The following SLC2A12 variants were observed in gnomAD, a reference collection of about 807,000 sequenced individuals.
SLC2A12 encodes the protein solute carrier family 2 member 12, also known as solute carrier family 2, facilitated glucose transporter member 12.
Under a neutral mutation model 41.8 loss-of-function variants are expected in SLC2A12, and 23 were observed. That is an observed-to-expected ratio of 0.55 (90% CI 0.40 to 0.78). The LOEUF (loss-of-function observed/expected upper bound fraction) is 0.78. SLC2A12 is among the 30% of genes least tolerant of loss of function. The pLI is 0.00. For synonymous variants in SLC2A12, 295 were observed against 285.9 expected, an observed-to-expected ratio of 1.03 and a Z score of -0.32; for missense variants, 654 against 745.6, an observed-to-expected ratio of 0.88 and a Z score of 1.43.
chr6:134,004,030 G>A (rs553513378), intron 3 of SLC2A12, among the ~76,000 whole-genome samples: 1 of 152,298 alleles, frequency 6.6e-6, no homozygotes, highest in African/African-American at 2.4e-5. Context: ...GAGCATTCTA[G>A]GCTTTTTGTT....
At chr6:134,050,247 TA>T (rs1336127707) in intron 1 of SLC2A12, among the ~76,000 whole-genome samples, 2 of 152,178 alleles carry the variant, frequency 1.3e-5, no homozygotes, top group Non-Finnish European at 2.9e-5. Context: ...ATGTTTAAGA[TA>T]AGTTAAGAAA....
At chr6:134,017,338 C>T (rs1776975238) in intron 2 of SLC2A12, among the ~76,000 whole-genome samples, 1 of 152,134 alleles carries the variant, frequency 6.6e-6, no homozygotes, top group African/African-American at 2.4e-5. Context: ...AGAGTCATAC[C>T]AGAGGACATC....
chr6:134,025,470 A>G (rs1777101050), intron 2 of SLC2A12, among the ~76,000 whole-genome samples: 1 of 152,230 alleles, frequency 6.6e-6, no homozygotes, highest in Admixed American at 6.5e-5. Context: ...ATATTAGTGG[A>G]ATCTAAAGCT....
chr6:133,997,974 C>T lies in SLC2A12; in HGVS notation c.1700+4023G>A, dbSNP rs185539353. ...CTTTATTTTTGTTCTTCATTACAAA[C>T]CTTGCAGTTCTCCTATAGTCTGTTT... On this transcript the variant is annotated intron_variant, in intron 4 of 4. Coordinates refer to ENST00000275230, the MANE Select transcript of SLC2A12 (RefSeq NM_145176.3). Among the ~76,000 whole-genome samples the T allele has an allele frequency of 1.1e-3, 169 of 152,268 alleles. 1 individual carries two copies. Among genetic ancestry groups the T allele is most frequent in the African/African-American group, 3.8e-3 (159 of 41,556 alleles).
At chr6:134,036,045 T>G (rs1244877964) in intron 1 of SLC2A12, among the ~76,000 whole-genome samples, 1 of 152,160 alleles carries the variant, frequency 6.6e-6, no homozygotes, top group Non-Finnish European at 1.5e-5. Flanking sequence ...TCTGCCTGCT[T>G]TCTTCTTCTC....
chr6:134,029,848 T>C (rs1481379506), intron 1 of SLC2A12, 127 bp from the exon 2 acceptor site: 2 of 1,199,128 alleles, frequency 1.7e-6, no homozygotes, highest in Non-Finnish European at 2.3e-6. Flanking sequence ...CACACAATTA[T>C]GATAAAATAA....
At chr6:134,021,949 A>G (rs1582611258) in intron 2 of SLC2A12, among the ~76,000 whole-genome samples, 1 of 152,220 alleles carries the variant, frequency 6.6e-6, no homozygotes, top group Admixed American at 6.5e-5. Flanking sequence ...GAATAAACCC[A>G]CACTGATAAA....
chr6:134,038,235 G>A (rs2114497248), intron 1 of SLC2A12, among the ~76,000 whole-genome samples: 1 of 152,172 alleles, frequency 6.6e-6, no homozygotes, highest in South Asian at 2.1e-4. Flanking sequence ...TATTGGCTGA[G>A]GAGTTAATAA....
chr6:134,044,713 T>TAA (rs35658583), intron 1 of SLC2A12, among the ~76,000 whole-genome samples: 2,243 of 100,420 alleles, frequency 0.022, 81 homozygotes, highest in African/African-American at 0.075. Context: ...AAACTCCGTC[T>TAA]AAAAAAAAAA....
chr6:134,014,129 C>G (rs755130734), intron 2 of SLC2A12, among the ~76,000 whole-genome samples: 1 of 152,124 alleles, frequency 6.6e-6, no homozygotes, highest in Non-Finnish European at 1.5e-5. Context: ...TTTCCACAGA[C>G]GGGGGCAGGA....
intron 1 of SLC2A12, among the ~76,000 whole-genome samples, chr6:134,033,936 T>C (rs981084775): frequency 6.6e-6 from 1 of 151,950 alleles, no homozygotes; most frequent in African/African-American, 2.4e-5. Context: ...TTCTGCTGCT[T>C]TCTGGACTTA....
chr6:133,998,493 T>C (rs1776720579), intron 4 of SLC2A12, among the ~76,000 whole-genome samples: 1 of 152,248 alleles, frequency 6.6e-6, no homozygotes, highest in Non-Finnish European at 1.5e-5. Flanking sequence ...TCTCCCTGCC[T>C]CAATTTTTCA....
At position 133,991,159 on chromosome 6, in the gene SLC2A12, G is replaced by GTC. The variant is rs1161581571; in HGVS notation, c.1848_1849dup (p.Thr617ArgfsTer9). On this transcript the variant is annotated frameshift_variant, in exon 5 of 5. Transcript: ENST00000275230. LOFTEE classifies it high-confidence loss of function. ...GTTCAGAAGGTGTTGAGGCCATTAG[G>GTC]TCTCTGGAGAAAGCTGCCTGGATTG... 2 of 1,612,314 alleles carry GTC rather than the reference G, an allele frequency of 1.2e-6. No homozygotes were observed. Among genetic ancestry groups the GTC allele is most frequent in the Non-Finnish European group, 1.7e-6 (2 of 1,179,586 alleles).
At chr6:134,034,128 A>G (rs1378479362) in intron 1 of SLC2A12, among the ~76,000 whole-genome samples, 1 of 152,138 alleles carries the variant, frequency 6.6e-6, no homozygotes, top group Non-Finnish European at 1.5e-5. Flanking sequence ...ACAATTTTCT[A>G]TATGATAACA....
chr6:133,999,956 G>A (rs1776735724), intron 4 of SLC2A12, among the ~76,000 whole-genome samples: 1 of 152,162 alleles, frequency 6.6e-6, no homozygotes, highest in Admixed American at 6.5e-5. Flanking sequence ...CCAGTTTACA[G>A]GTGGATACAT....
chr6:134,040,051 G>GTT (rs1334808484), intron 1 of SLC2A12, among the ~76,000 whole-genome samples: 1 of 86,050 alleles, frequency 1.2e-5, no homozygotes, highest in African/African-American at 7.0e-5. Context: ...TCAGGTTGTT[G>GTT]TTTTTTGTTT....
intron 2 of SLC2A12, among the ~76,000 whole-genome samples, chr6:134,020,352 T>A (rs1283850930): frequency 1.3e-5 from 2 of 152,212 alleles, no homozygotes; most frequent in Non-Finnish European, 2.9e-5. Context: ...TTATTTGTAT[T>A]ACAAGCAATA....
At chr6:134,004,942 G>A (rs975100485) in intron 3 of SLC2A12, among the ~76,000 whole-genome samples, 2 of 152,142 alleles carry the variant, frequency 1.3e-5, no homozygotes, top group Non-Finnish European at 2.9e-5. Flanking sequence ...AGTTCACACG[G>A]CAGCAGCTGC....
At chr6:134,026,553 T>C (rs1777114520) in intron 2 of SLC2A12, among the ~76,000 whole-genome samples, 1 of 152,240 alleles carries the variant, frequency 6.6e-6, no homozygotes, top group Admixed American at 6.5e-5. Context: ...CTCATAGGTA[T>C]ACACTCAAGA....
Sources: allele counts gnomAD v4.1 joint callset (sites outside exome capture counted in the v4.1 genomes callset), GRCh38; gene constraint gnomAD v4.1.1; transcripts MANE v1.5; gene names NCBI Gene and HGNC (gene_info 2026-07-23, HGNC 2026-07-21).